TRPM3: variants seen among roughly 807,000 people sequenced by gnomAD.
The protein encoded by TRPM3 is transient receptor potential cation channel subfamily M member 3.
A neutral mutation model predicts 181.2 loss-of-function variants in TRPM3; 77 were observed. The observed-to-expected ratio is 0.42, with a 90% CI of 0.35 to 0.51. TRPM3 has a LOEUF of 0.51. Ranked by LOEUF, TRPM3 falls within the 20% of genes least tolerant of loss-of-function variation. The pLI is 0.01. For synonymous variants in TRPM3, 745 were observed against 796.4 expected, an observed-to-expected ratio of 0.94 and a Z score of 1.09; for missense variants, 1,759 against 2,196.7, an observed-to-expected ratio of 0.80 and a Z score of 3.98.
At chr9:70,926,589 C>T (rs956177484) in intron 1 of TRPM3, among the ~76,000 whole-genome samples, 2 of 152,140 alleles carry the variant, frequency 1.3e-5, no homozygotes, top group East Asian at 3.8e-4. Flanking sequence ...CCTAATAGTG[C>T]TTCAAAGAAA....
chr9:70,539,953 G>C (rs1335174222), intron 25 of TRPM3, among the ~76,000 whole-genome samples: 1 of 152,168 alleles, frequency 6.6e-6, no homozygotes, highest in African/African-American at 2.4e-5. Context: ...TCCTGCTTCA[G>C]ACTCCCAAGT....
At chr9:71,130,511 T>C (rs1049374664) in intron 1 of TRPM3, among the ~76,000 whole-genome samples, 1 of 152,188 alleles carries the variant, frequency 6.6e-6, no homozygotes, top group Non-Finnish European at 1.5e-5. Context: ...GGACTTCATA[T>C]AAAATGTTCA....
intron 1 of TRPM3, among the ~76,000 whole-genome samples, chr9:71,328,335 T>C (rs1056178428): frequency 1.3e-5 from 2 of 152,098 alleles, no homozygotes; most frequent in Non-Finnish European, 2.9e-5. Flanking sequence ...GGCTAATTTT[T>C]TGTATTTTTT....
intron 22 of TRPM3, among the ~76,000 whole-genome samples, chr9:70,577,762 C>A (rs1357748422): frequency 2.0e-5 from 3 of 152,232 alleles, no homozygotes; most frequent in African/African-American, 7.2e-5. Context: ...AGAATCCAGT[C>A]TTTTAGTGCA....
At chr9:70,677,783 G>A (rs973789226) in intron 9 of TRPM3, among the ~76,000 whole-genome samples, 1 of 152,146 alleles carries the variant, frequency 6.6e-6, no homozygotes, top group Non-Finnish European at 1.5e-5. Context: ...ATATGCCTTT[G>A]TTACAGAAGT....
At chr9:70,628,828 A>AAAAAAC (rs1190177117) in intron 12 of TRPM3, among the ~76,000 whole-genome samples, 3 of 150,744 alleles carry the variant, frequency 2.0e-5, no homozygotes, top group African/African-American at 7.3e-5. Flanking sequence ...TAAAAAAAAA[A>AAAAAAC]AAAAAAAAAA....
At chr9:70,792,259 G>C (rs779313120) in intron 6 of TRPM3, among the ~76,000 whole-genome samples, 1 of 152,230 alleles carries the variant, frequency 6.6e-6, no homozygotes, top group South Asian at 2.1e-4. Context: ...ACTGGGAGAT[G>C]GGCTTCCAGG....
At chr9:70,564,837 G>A (rs369283410) in intron 22 of TRPM3, among the ~76,000 whole-genome samples, 5 of 152,170 alleles carry the variant, frequency 3.3e-5, no homozygotes, top group African/African-American at 7.2e-5. Flanking sequence ...TCAGGAATGC[G>A]TATATAAGCA....
intron 1 of TRPM3, among the ~76,000 whole-genome samples, chr9:71,255,992 C>T (rs2082648500): frequency 6.6e-6 from 1 of 152,142 alleles, no homozygotes; most frequent in Admixed American, 6.6e-5. Flanking sequence ...TATTGCTTCT[C>T]CTTTGATCTG....
At chr9:70,862,836 T>C (rs528795595) in intron 3 of TRPM3, 72 bp downstream of exon 3, 3 of 1,508,628 alleles carry the variant, frequency 2.0e-6, no homozygotes, top group Admixed American at 3.4e-5. Flanking sequence ...AATTTCATGC[T>C]CTTAACCACC....
chr9:71,244,864 T>C (rs1030445348), intron 1 of TRPM3, among the ~76,000 whole-genome samples: 24 of 152,236 alleles, frequency 1.6e-4, no homozygotes, highest in African/African-American at 5.3e-4. Flanking sequence ...CGGAATTTAG[T>C]TTAGTAGTAC....
intron 1 of TRPM3, among the ~76,000 whole-genome samples, chr9:71,017,707 A>G (rs1282601710): frequency 2.0e-5 from 3 of 151,854 alleles, no homozygotes; most frequent in African/African-American, 7.2e-5. Flanking sequence ...GCAAAAATTG[A>G]TAGACCCAAT....
chr9:70,603,245 C>T, intron 20 of TRPM3, 97 bp downstream of exon 20: 2 of 1,448,000 alleles, frequency 1.4e-6, no homozygotes, highest in Non-Finnish European at 1.9e-6. Flanking sequence ...CAGTTTCCGG[C>T]TTAATTTGCA....
chr9:70,628,234 G>A (rs1023601204), intron 12 of TRPM3, among the ~76,000 whole-genome samples: 1 of 152,162 alleles, frequency 6.6e-6, no homozygotes, highest in African/African-American at 2.4e-5. Flanking sequence ...GGGCTCCTAT[G>A]GGGATGACCG....
intron 1 of TRPM3, among the ~76,000 whole-genome samples, chr9:71,325,386 T>C (rs55913943): frequency 0.055 from 8,302 of 152,192 alleles, 687 homozygotes; most frequent in African/African-American, 0.18. Flanking sequence ...CTGGTATACA[T>C]GTGACCTTTT....
intron 1 of TRPM3, among the ~76,000 whole-genome samples, chr9:71,422,595 T>C (rs1302958827): frequency 6.6e-6 from 1 of 152,052 alleles, no homozygotes; most frequent in Middle Eastern, 3.2e-3. Flanking sequence ...ATGATATAAC[T>C]TGATGGATCT....
At chr9:70,977,496 C>G (rs991469455) in intron 1 of TRPM3, among the ~76,000 whole-genome samples, 2 of 152,218 alleles carry the variant, frequency 1.3e-5, no homozygotes, top group African/African-American at 4.8e-5. Context: ...TTGTCCCACA[C>G]CAACCAATTC....
At chr9:70,754,723 C>T (rs933353199) in intron 8 of TRPM3, among the ~76,000 whole-genome samples, 2 of 152,136 alleles carry the variant, frequency 1.3e-5, no homozygotes, top group African/African-American at 4.8e-5. Flanking sequence ...TTAGACTGGC[C>T]TCATAATATT....
At chr9:70,590,542 T>G (rs770308682) in intron 22 of TRPM3, among the ~76,000 whole-genome samples, 10 of 152,200 alleles carry the variant, frequency 6.6e-5, no homozygotes, top group Non-Finnish European at 1.5e-4. Context: ...TGGAGAATAG[T>G]TTCCAGTGCA....
Sources: allele counts gnomAD v4.1 joint callset (sites outside exome capture counted in the v4.1 genomes callset), GRCh38; gene constraint gnomAD v4.1.1; transcripts MANE v1.5; gene names NCBI Gene and HGNC (gene_info 2026-07-23, HGNC 2026-07-21).